Variants in CAPRIN2 observed in about 807,000 individuals in gnomAD.
CAPRIN2 encodes caprin family member 2.
In CAPRIN2, 66 loss-of-function variants were observed where a neutral mutation model predicts 130.4. That is an observed-to-expected ratio of 0.51 (90% CI 0.42 to 0.62). CAPRIN2 has a LOEUF of 0.62. Ranked by LOEUF, CAPRIN2 falls within the 20% of genes least tolerant of loss-of-function variation. The pLI, the probability that CAPRIN2 is intolerant of heterozygous loss-of-function variation, is 0.00. For synonymous variants in CAPRIN2, 471 were observed against 444.1 expected (o/e 1.06, Z -0.76); for missense variants, 1,185 against 1,246.6 (o/e 0.95, Z 0.74).
At chr12:30,735,201 T>C in exon 4 of CAPRIN2, 1 of 1,612,976 alleles carries the variant, frequency 6.2e-7, no homozygotes, top group Non-Finnish European at 8.5e-7. Context: ...TTTGCGCTTT[T>C]AGTAGCTGTT....
intron 2 of CAPRIN2, among the ~76,000 whole-genome samples, chr12:30,746,027 A>C (rs1056823239): frequency 6.6e-6 from 1 of 152,222 alleles, no homozygotes; most frequent in Non-Finnish European, 1.5e-5. Flanking sequence ...CATATTTTCA[A>C]AGAGGTCCCA....
Position 30,710,337 on chromosome 12 carries a change from G to A in CAPRIN2, c.2799C>T (p.Thr933=), listed in dbSNP as rs372208056. The change falls in exon 17 of 17, where the codon ACC becomes ACT. Residue 933 remains threonine (T), a synonymous_variant. Transcript: ENST00000298892. The surrounding 1 kb of genome is among the most constrained non-coding windows in gnomAD (Gnocchi z 4.8). ...GAGGGTAGACGTGTACTGGCAGTATGGTGGCTGCTGGATTTGTCACTGGCA... is the reference window on the plus strand; with the variant it reads ...GAGGGTAGACGTGTACTGGCAGTATAGTGGCTGCTGGATTTGTCACTGGCA... The A allele has an allele frequency of 2.5e-6, 4 of 1,614,132 alleles. No homozygotes were observed. Among genetic ancestry groups the A allele is most frequent in the African/African-American group, 1.3e-5 (1 of 75,028 alleles).
exon 8 of CAPRIN2, chr12:30,729,071 C>A: frequency 6.2e-7 from 1 of 1,614,142 alleles, no homozygotes. Context: ...GCTCTTCCGG[C>A]AGAGTAGACC....
chr12:30,723,392 T>C (rs2059977221), intron 10 of CAPRIN2, 78 bp from the exon 12 acceptor site: 2 of 963,530 alleles, frequency 2.1e-6, no homozygotes, highest in African/African-American at 1.6e-5. Flanking sequence ...AAACTAAAGT[T>C]TACACTTCAC....
chr12:30,752,176 C>A (rs1017384081), intron 1 of CAPRIN2, among the ~76,000 whole-genome samples: 2 of 151,950 alleles, frequency 1.3e-5, no homozygotes, highest in Admixed American at 1.3e-4. Flanking sequence ...CCTGCCTTGT[C>A]CTCCCAAAGC....
intron 5 of CAPRIN2, among the ~76,000 whole-genome samples, chr12:30,733,426 C>G (rs956183800): frequency 6.6e-6 from 1 of 152,160 alleles, no homozygotes; most frequent in Non-Finnish European, 1.5e-5. Flanking sequence ...AAAACTCTCC[C>G]TGAATTCCAC....
exon 1 of CAPRIN2, chr12:30,753,616 G>A (rs1416484734): frequency 1.2e-6 from 2 of 1,614,204 alleles, no homozygotes; most frequent in East Asian, 2.2e-5. Flanking sequence ...GAGGCTGAAG[G>A]AGGTGGGGGA....
At chr12:30,714,449 A>C (rs1434938878) in intron 14 of CAPRIN2, among the ~76,000 whole-genome samples, 1 of 152,144 alleles carries the variant, frequency 6.6e-6, no homozygotes, top group Non-Finnish European at 1.5e-5. Flanking sequence ...TCCCAAAGTA[A>C]TGGGATGACA....
rs1344140730 is a variant in CAPRIN2, at chr12:30,716,490, C to T, written c.2317+18G>A. 1.2e-6 allele frequency: 2 copies of T among 1,610,272 alleles called. No homozygotes were observed. The highest frequency in any genetic ancestry group is 2.2e-5 in the South Asian group (2 of 90,702). On this transcript the variant is annotated intron_variant, in intron 13 of 16. Coordinates refer to ENST00000298892, the Ensembl canonical transcript of CAPRIN2. Reference sequence around the variant, plus strand: ...CTGTCCCTCTAAGTCTTCCAAATATCATATGCAAAGATCTTACCAGTCTCT... The same window carrying T: ...CTGTCCCTCTAAGTCTTCCAAATATTATATGCAAAGATCTTACCAGTCTCT...
chr12:30,727,524 C>T (rs1341806604), intron 8 of CAPRIN2, among the ~76,000 whole-genome samples: 3 of 152,120 alleles, frequency 2.0e-5, no homozygotes, highest in Admixed American at 1.3e-4. Context: ...AGATAGAGAA[C>T]ACTGGAAGCA....
chr12:30,724,327 T>C lies in CAPRIN2; in HGVS notation c.1987+43A>G, dbSNP rs375245512. Reference sequence around the variant, plus strand: ...AAAGACAACAACAACAAATAGCTGTTAGCTCAAGACGTTTGCTCCAAGTCT... The same window carrying C: ...AAAGACAACAACAACAAATAGCTGTCAGCTCAAGACGTTTGCTCCAAGTCT... On this transcript the variant is annotated intron_variant, in intron 10 of 16. Transcript: ENST00000298892. 4.5e-5 allele frequency: 52 copies of C among 1,144,370 alleles called. 1 individual carries two copies. In the African/African-American group the frequency reaches 5.4e-4, roughly 12 times the overall value. The allele number at this position is 1,144,370 out of a possible 1,614,324, so 70.9% of individuals were successfully genotyped here.
At chr12:30,744,910 C>A (rs191937571) in intron 2 of CAPRIN2, among the ~76,000 whole-genome samples, 3 of 152,200 alleles carry the variant, frequency 2.0e-5, no homozygotes, top group Admixed American at 2.0e-4. Context: ...AGATTCTGAA[C>A]AATTTAAAGC....
At chr12:30,727,093 G>C (rs2061177434) in intron 8 of CAPRIN2, among the ~76,000 whole-genome samples, 1 of 152,158 alleles carries the variant, frequency 6.6e-6, no homozygotes, top group African/African-American at 2.4e-5. Context: ...CAAATAGCAT[G>C]ATAATATTCT....
At chr12:30,718,632 C>G (rs1472033743) in intron 12 of CAPRIN2, among the ~76,000 whole-genome samples, 4 of 152,118 alleles carry the variant, frequency 2.6e-5, no homozygotes, top group Non-Finnish European at 5.9e-5. Flanking sequence ...TCTCCAAAAA[C>G]CATCTTGAGA....
rs564326591 is a variant in CAPRIN2, at chr12:30,724,597, T to C, written c.1906-146A>G. 368 of 585,444 alleles carry C rather than the reference T, an allele frequency of 6.3e-4. 2 individuals carry two copies. The South Asian group carries it at 7.5e-3, about 12-fold the overall frequency. The allele number at this position is 585,444 out of a possible 1,614,324, so 36.3% of individuals were successfully genotyped here. ...GCTATAGGTATCTAGCTAATCACTG[T>C]CTCAGGATGCCAAAACTAGTCTCCA... On this transcript the variant is annotated intron_variant, in intron 9 of 16. Transcript: ENST00000298892.
At position 30,710,064 on chromosome 12, in the gene CAPRIN2, G is replaced by C; in HGVS notation, c.3072C>G (p.Ala1024=). The C allele has an allele frequency of 6.2e-7, 1 of 1,614,118 alleles. No homozygotes were observed. Among genetic ancestry groups the C allele is most frequent in the Non-Finnish European group, 8.5e-7 (1 of 1,180,026 alleles). Residue 1024 remains alanine (A), a synonymous_variant, in exon 17 of 17, where the codon GCC becomes GCG. Transcript: ENST00000298892. The surrounding 1 kb of genome is among the most constrained non-coding windows in gnomAD (Gnocchi z 4.8). ...GGTCTGGAGCACCATCATTGGCATA[G>C]GCTGATACCAAGACCTCTTCATTCT...
chr12:30,728,818 C>T lies in CAPRIN2; in HGVS notation c.1612G>A (p.Asp538Asn), dbSNP rs747738361. ...TTTGGAGTCTCTGGCTGTTTTGAATCCTGTTCTTCACACATGGGAGTGGTC... is the reference window on the plus strand; with the variant it reads ...TTTGGAGTCTCTGGCTGTTTTGAATTCTGTTCTTCACACATGGGAGTGGTC... The change falls in exon 8 of 17, where the codon GAT becomes AAT. Residue 538 changes from aspartate to asparagine, a missense_variant. Asp to Asn is a conservative substitution (Grantham distance 23, BLOSUM62 1). Around this residue, in one of 2 missense-constraint regions of CAPRIN2, gnomAD observed 1,104 missense variants for 1,104.3 expected, o/e 1.00. Coordinates refer to ENST00000298892, the Ensembl canonical transcript of CAPRIN2. 13 of 1,614,102 alleles carry T rather than the reference C, an allele frequency of 8.1e-6. No individual in the cohort carries two copies. The South Asian group carries it at 1.2e-4, about 15-fold the overall frequency.
chr12:30,746,116 C>T (rs189090732), intron 2 of CAPRIN2, among the ~76,000 whole-genome samples: 1 of 133,968 alleles, frequency 7.5e-6, no homozygotes, highest in African/African-American at 2.9e-5. Flanking sequence ...AGTGGAAACA[C>T]TGCCACGATA....
At chr12:30,716,616 A>G (rs2057655681) in exon 13 of CAPRIN2, 7 of 1,613,888 alleles carry the variant, frequency 4.3e-6, no homozygotes, top group Non-Finnish European at 5.9e-6. Flanking sequence ...CCAGGTGAAT[A>G]AGGGGATTCT....
Sources: allele counts gnomAD v4.1 joint callset (sites outside exome capture counted in the v4.1 genomes callset), GRCh38; gene constraint gnomAD v4.1.1; regional missense constraint gnomAD v4.1.1; non-coding constraint Gnocchi (gnomAD v3.1); transcripts MANE v1.5; gene names NCBI Gene and HGNC (gene_info 2026-07-23, HGNC 2026-07-21).